STAP1: variants seen among roughly 807,000 people sequenced by gnomAD.
The protein encoded by STAP1 is signal-transducing adaptor protein 1.
In STAP1, 30 loss-of-function variants were observed where a neutral mutation model predicts 37.8. That is an observed-to-expected ratio of 0.79 (90% confidence interval 0.59 to 1.08). The LOEUF (loss-of-function observed/expected upper bound fraction) is 1.08, where lower values mean the gene tolerates loss of function less well. Ranked by LOEUF, STAP1 falls within the 50% of genes least tolerant of loss-of-function variation. The pLI is 0.00. For synonymous variants in STAP1, 130 were observed against 116.0 expected (o/e 1.12, Z -0.78); for missense variants, 357 against 349.4 (o/e 1.02, Z -0.17).
intron 5 of STAP1, among the ~76,000 whole-genome samples, chr4:67,582,134 T>A (rs985596281): frequency 2.6e-5 from 4 of 152,100 alleles, no homozygotes; most frequent in African/African-American, 9.7e-5. Context: ...CCAACCATCA[T>A]TTTTACCTGA....
At chr4:67,568,284 C>G (rs1727517836) in intron 1 of STAP1, among the ~76,000 whole-genome samples, 1 of 151,946 alleles carries the variant, frequency 6.6e-6, no homozygotes. Flanking sequence ...AAGAGAAAAC[C>G]CTTTATATAA....
Position 67,590,946 on chromosome 4 carries a change from A to C in STAP1, c.722A>C (p.Glu241Ala). 1 of 1,609,972 alleles carries C rather than the reference A, an allele frequency of 6.2e-7. No homozygotes were observed. Among genetic ancestry groups the C allele is most frequent in the Non-Finnish European group, 8.5e-7 (1 of 1,177,664 alleles). Residue 241 changes from glutamate to alanine, a missense_variant, in exon 7 of 9, where the codon GAA becomes GCA. Glu to Ala is a moderately radical substitution (Grantham distance 107). Coordinates refer to ENST00000265404, the MANE Select transcript of STAP1 (RefSeq NM_012108.4). The part of the protein sequence containing the change: ...SVGQNYTIEL[E>A]KPVTLPNLFS... ...GGACAAAACTACACTATTGAACTGG[A>C]AAAACCTGTAAGTAACTATTTTTGT...
intron 6 of STAP1, among the ~76,000 whole-genome samples, chr4:67,584,419 G>A (rs1169341948): frequency 6.6e-6 from 1 of 152,196 alleles, no homozygotes; most frequent in Non-Finnish European, 1.5e-5. Context: ...TTACATTCTT[G>A]TAGGGAGACA....
At chr4:67,564,498 C>A (rs1490248991) in intron 1 of STAP1, among the ~76,000 whole-genome samples, 3 of 152,024 alleles carry the variant, frequency 2.0e-5, no homozygotes, top group African/African-American at 7.2e-5. Flanking sequence ...AGTTTTTATA[C>A]CTTATGGCAG....
At chr4:67,566,325 A>T (rs917109912) in intron 1 of STAP1, among the ~76,000 whole-genome samples, 4 of 152,166 alleles carry the variant, frequency 2.6e-5, no homozygotes, top group African/African-American at 9.7e-5. Flanking sequence ...CCAGCCAGAC[A>T]CAGAAATCAC....
intron 1 of STAP1, among the ~76,000 whole-genome samples, chr4:67,566,069 C>T (rs1192150075): frequency 6.6e-5 from 10 of 151,088 alleles, no homozygotes; most frequent in Non-Finnish European, 1.5e-4. Flanking sequence ...CTGTCTCAGC[C>T]TCCCAAGTAG....
intron 6 of STAP1, among the ~76,000 whole-genome samples, chr4:67,587,747 T>A (rs1328166998): frequency 1.4e-5 from 2 of 144,670 alleles, no homozygotes; most frequent in Admixed American, 6.9e-5. Flanking sequence ...TGAGATGGAG[T>A]TTTGCTCTTG....
chr4:67,594,114 GT>G (rs1728175820), intron 8 of STAP1, among the ~76,000 whole-genome samples: 1 of 152,138 alleles, frequency 6.6e-6, no homozygotes, highest in African/African-American at 2.4e-5. Context: ...GGTACACATG[GT>G]CACTGGCAAA....
At chr4:67,561,140 G>A (rs573026267) in intron 1 of STAP1, among the ~76,000 whole-genome samples, 48 of 152,232 alleles carry the variant, frequency 3.2e-4, no homozygotes, top group Middle Eastern at 3.4e-3. Flanking sequence ...ATTAGTTTGA[G>A]GTCTGCAAGT....
chr4:67,589,804 T>G (rs1368499186), intron 6 of STAP1, among the ~76,000 whole-genome samples: 4 of 142,190 alleles, frequency 2.8e-5, no homozygotes, highest in Non-Finnish European at 6.4e-5. Flanking sequence ...AGGTGGGGGA[T>G]CCTAATTTTT....
chr4:67,573,470 A>G (rs1025071804), intron 2 of STAP1, among the ~76,000 whole-genome samples: 1 of 152,178 alleles, frequency 6.6e-6, no homozygotes, highest in East Asian at 1.9e-4. Context: ...ACTCTAACTA[A>G]CTGCCACCTC....
chr4:67,559,539 C>T (rs911493921), intron 1 of STAP1, among the ~76,000 whole-genome samples: 2 of 151,908 alleles, frequency 1.3e-5, no homozygotes, highest in Non-Finnish European at 2.9e-5. Context: ...AATACCTTTG[C>T]TCTAAGAAAA....
intron 8 of STAP1, among the ~76,000 whole-genome samples, chr4:67,597,979 T>C (rs1404602060): frequency 6.6e-6 from 1 of 152,134 alleles, no homozygotes; most frequent in Non-Finnish European, 1.5e-5. Flanking sequence ...TTTTGAAATG[T>C]GAAACGGATA....
In STAP1 at chr4:67,571,067, T is replaced by C. The variant is rs763577146; in HGVS notation, c.121-17T>C. ...ATATACACTAATGAAATAATGTTTATGGTTTCTTTCCCACAGGAGTATGAG... is the reference window on the plus strand; with the variant it reads ...ATATACACTAATGAAATAATGTTTACGGTTTCTTTCCCACAGGAGTATGAG... On this transcript the variant is annotated splice_polypyrimidine_tract_variant and intron_variant, in intron 1 of 8. Transcript: ENST00000265404. The C allele has an allele frequency of 1.9e-6, 3 of 1,594,270 alleles. No individual in the cohort carries two copies. Among genetic ancestry groups the C allele is most frequent in the Non-Finnish European group, 2.6e-6 (3 of 1,163,414 alleles).
At chr4:67,606,197 T>C in intron 8 of STAP1, 99 bp from the exon 9 acceptor site, 1 of 899,736 alleles carries the variant, frequency 1.1e-6, no homozygotes, top group Non-Finnish European at 1.7e-6. Context: ...CCAGCAATGT[T>C]CCACACACGA....
chr4:67,598,760 T>C (rs1255926919), intron 8 of STAP1, among the ~76,000 whole-genome samples: 1 of 152,218 alleles, frequency 6.6e-6, no homozygotes, highest in African/African-American at 2.4e-5. Flanking sequence ...TTTCCTTTGT[T>C]GTGCAGAAGA....
intron 1 of STAP1, among the ~76,000 whole-genome samples, chr4:67,562,861 TA>T (rs1389969874): frequency 1.3e-5 from 2 of 151,902 alleles, no homozygotes; most frequent in African/African-American, 2.4e-5. Flanking sequence ...ATTTGATATA[TA>T]AAAAATGAAT....
intron 6 of STAP1, 36 bp from the exon 7 acceptor site, chr4:67,590,848 T>C (rs917222299): frequency 1.3e-6 from 2 of 1,500,540 alleles, no homozygotes; most frequent in Non-Finnish European, 1.8e-6. Context: ...CCCAATTGTA[T>C]AATAAAATGG....
intron 8 of STAP1, among the ~76,000 whole-genome samples, chr4:67,600,195 T>C (rs2627247): frequency 0.87 from 132,026 of 152,096 alleles, 58,512 homozygotes; most frequent in East Asian, 0.99. Context: ...TTTGGTCTCT[T>C]GAATTGCCAT....
Sources: allele counts gnomAD v4.1 joint callset (sites outside exome capture counted in the v4.1 genomes callset), GRCh38; gene constraint gnomAD v4.1.1; transcripts MANE v1.5; gene names NCBI Gene and HGNC (gene_info 2026-07-23, HGNC 2026-07-21).